The following EXOC4 variants were observed in gnomAD, a reference collection of about 807,000 sequenced individuals.
EXOC4 encodes the protein exocyst complex component 4.
EXOC4 carries 71 observed loss-of-function variants against 107.2 expected under a neutral mutation model. That is an observed-to-expected ratio of 0.66 (90% CI 0.55 to 0.81). EXOC4 has a LOEUF of 0.81. Among genes scored for constraint, EXOC4 ranks in the 30% least tolerant of loss-of-function variants. The probability of loss-of-function intolerance (pLI) is 0.00; values close to 1 mark genes in which losing one functional copy is unlikely to be tolerated. For synonymous variants in EXOC4, 456 were observed against 441.2 expected (o/e 1.03, Z -0.42); for missense variants, 1,108 against 1,189.6 (o/e 0.93, Z 1.01).
chr7:133,560,406 A>C (rs888864028), intron 9 of EXOC4, among the ~76,000 whole-genome samples: 9 of 152,134 alleles, frequency 5.9e-5, no homozygotes, highest in Middle Eastern at 3.4e-3. Flanking sequence ...TGCTTCAGCC[A>C]CTTGAGTAGC....
Position 133,480,082 on chromosome 7 carries a change from G to A in EXOC4, c.1361G>A (p.Ser454Asn). ...FESSSHAISM[S>N]AYLREQRREL... ...TCGTCCTCCCATGCCATCAGTATGA[G>A]CGCCTATCTGCGAGAACAGAGAAGG... is the stretch of plus-strand genomic sequence containing the variant. Residue 454 changes from serine to asparagine, a missense_variant, in exon 9 of 18, where the codon AGC becomes AAC. By Grantham distance (46) the Ser-to-Asn change is conservative. Transcript: ENST00000253861. 1.2e-6 allele frequency: 2 copies of A among 1,614,024 alleles called. No individual in the cohort carries two copies. Among genetic ancestry groups the A allele is most frequent in the Non-Finnish European group, 1.7e-6 (2 of 1,179,898 alleles).
At chr7:133,317,905 C>T (rs1795027978) in intron 5 of EXOC4, among the ~76,000 whole-genome samples, 1 of 152,068 alleles carries the variant, frequency 6.6e-6, no homozygotes, top group Admixed American at 6.5e-5. Flanking sequence ...TGGTCTCAAA[C>T]TCCTGACCTC....
chr7:134,095,477 A>C, the EXOC4 span, among the ~76,000 whole-genome samples: 3 of 152,150 alleles, frequency 2.0e-5, no homozygotes, highest in African/African-American at 7.2e-5. Context: ...CTATTCTAAA[A>C]TTCATATGGA....
intron 4 of EXOC4, among the ~76,000 whole-genome samples, chr7:133,312,501 T>C (rs1337485626): frequency 1.3e-5 from 2 of 152,172 alleles, no homozygotes; most frequent in Non-Finnish European, 2.9e-5. Flanking sequence ...ATCATGAGCA[T>C]GTTTTTTAAA....
chr7:133,813,165 C>G (rs1797276809), intron 10 of EXOC4, among the ~76,000 whole-genome samples: 1 of 152,108 alleles, frequency 6.6e-6, no homozygotes, highest in Non-Finnish European at 1.5e-5. Context: ...AAAGAAATCA[C>G]TCAGCCAAAA....
chr7:133,351,838 G>A (rs1211113240), intron 5 of EXOC4, among the ~76,000 whole-genome samples: 2 of 151,312 alleles, frequency 1.3e-5, no homozygotes, highest in Admixed American at 6.6e-5. Context: ...CTTTTTTGCT[G>A]TTTTTCCTGC....
At chr7:133,398,819 A>G (rs1797027475) in intron 7 of EXOC4, among the ~76,000 whole-genome samples, 1 of 152,192 alleles carries the variant, frequency 6.6e-6, no homozygotes, top group South Asian at 2.1e-4. Flanking sequence ...CTAAGTGGAA[A>G]TATTTACATG....
At chr7:133,440,399 CT>C (rs948963213) in intron 7 of EXOC4, among the ~76,000 whole-genome samples, 23 of 150,808 alleles carry the variant, frequency 1.5e-4, no homozygotes, top group Admixed American at 3.3e-4. Context: ...CTTCCAAGTA[CT>C]TTTAGCCTTA....
chr7:133,672,354 G>A (rs1793966014), intron 10 of EXOC4, among the ~76,000 whole-genome samples: 1 of 148,968 alleles, frequency 6.7e-6, no homozygotes. Flanking sequence ...TCGCACCACT[G>A]CACTCCAGCC....
intron 10 of EXOC4, among the ~76,000 whole-genome samples, chr7:133,731,102 A>G (rs1295073670): frequency 6.6e-6 from 1 of 152,128 alleles, no homozygotes; most frequent in African/African-American, 2.4e-5. Flanking sequence ...TTTCACCCTA[A>G]TTTATGTTTT....
chr7:133,817,721 C>A (rs1338701133), intron 11 of EXOC4, among the ~76,000 whole-genome samples, 177 bp downstream of exon 11: 1 of 151,636 alleles, frequency 6.6e-6, no homozygotes, highest in African/African-American at 2.4e-5. Context: ...AATGGAAGTT[C>A]CTTAAGATCT....
intron 10 of EXOC4, among the ~76,000 whole-genome samples, chr7:133,666,140 A>G (rs1793807706): frequency 1.3e-5 from 2 of 152,258 alleles, no homozygotes; most frequent in Admixed American, 6.5e-5. Flanking sequence ...GCTCCATACC[A>G]GGCATCCAAG....
At chr7:133,953,573 C>G (rs966056835) in intron 14 of EXOC4, among the ~76,000 whole-genome samples, 2 of 152,092 alleles carry the variant, frequency 1.3e-5, no homozygotes, top group African/African-American at 4.8e-5. Context: ...AACGCTTGAG[C>G]CTGGGATGTC....
chr7:133,609,295 T>C (rs901613008), intron 9 of EXOC4, among the ~76,000 whole-genome samples: 1 of 152,238 alleles, frequency 6.6e-6, no homozygotes, highest in South Asian at 2.1e-4. Flanking sequence ...GTGGACTGTT[T>C]CCATACTTAA....
chr7:133,652,106 A>T (rs905608673), intron 10 of EXOC4, among the ~76,000 whole-genome samples: 2 of 152,210 alleles, frequency 1.3e-5, no homozygotes, highest in African/African-American at 4.8e-5. Flanking sequence ...ATGGTTTATA[A>T]CTGCCTTTCT....
intron 4 of EXOC4, among the ~76,000 whole-genome samples, chr7:133,306,880 G>C (rs1453216220): frequency 2.0e-5 from 3 of 152,106 alleles, no homozygotes; most frequent in Non-Finnish European, 4.4e-5. Flanking sequence ...AATGGCCTGG[G>C]TAGTCTCAAG....
intron 10 of EXOC4, among the ~76,000 whole-genome samples, chr7:133,672,565 G>A (rs924824906): frequency 6.6e-6 from 1 of 152,100 alleles, no homozygotes; most frequent in African/African-American, 2.4e-5. Context: ...GTAAGGTTGT[G>A]AGACTGGATA....
At chr7:133,847,201 T>C (rs539847771) in intron 11 of EXOC4, among the ~76,000 whole-genome samples, 1 of 152,224 alleles carries the variant, frequency 6.6e-6, no homozygotes, top group African/African-American at 2.4e-5. Flanking sequence ...AATACCTTAC[T>C]GTTAACCATA....
intron 5 of EXOC4, among the ~76,000 whole-genome samples, chr7:133,346,359 T>A (rs1478622038): frequency 6.6e-6 from 1 of 152,230 alleles, no homozygotes; most frequent in Non-Finnish European, 1.5e-5. Context: ...TCATTGGAAC[T>A]GTACTCCGGC....
Sources: gnomAD v4.1 joint callset for allele counts (sites outside exome capture counted in the v4.1 genomes callset) on GRCh38, gnomAD v4.1.1 for gene constraint, MANE v1.5 for transcripts, NCBI Gene and HGNC (gene_info 2026-07-23, HGNC 2026-07-21) for gene names.